The following SEMA6D variants were observed in gnomAD, a reference collection of about 807,000 sequenced individuals.
The protein encoded by SEMA6D is semaphorin-6D.
Under a neutral mutation model 106.6 loss-of-function variants are expected in SEMA6D, and 35 were observed. The ratio of observed to expected loss-of-function variants is 0.33; its 90% CI spans 0.25 to 0.44. SEMA6D has a LOEUF of 0.44. SEMA6D is among the 20% of genes least tolerant of loss of function. The pLI is 1.00. For synonymous variants in SEMA6D, 499 were observed against 487.7 expected (o/e 1.02, Z -0.31); for missense variants, 1,185 against 1,345.9 (o/e 0.88, Z 1.87).
intron 1 of SEMA6D, among the ~76,000 whole-genome samples, chr15:47,202,479 G>A (rs1170610872): frequency 6.6e-6 from 1 of 152,054 alleles, no homozygotes; most frequent in East Asian, 1.9e-4. Context: ...TAGACACACT[G>A]TACATGCTCA....
At chr15:47,224,541 A>G (rs1175944213) in intron 1 of SEMA6D, among the ~76,000 whole-genome samples, 2 of 152,118 alleles carry the variant, frequency 1.3e-5, no homozygotes, top group African/African-American at 4.8e-5. Context: ...ATGACGTTTT[A>G]TCTCAGATCT....
intron 1 of SEMA6D, among the ~76,000 whole-genome samples, chr15:47,195,650 T>C (rs1237239971): frequency 6.6e-6 from 1 of 152,166 alleles, no homozygotes; most frequent in African/African-American, 2.4e-5. Flanking sequence ...GAGACTTTCC[T>C]AATGTCCTTT....
chr15:47,536,000 A>G (rs920294297), intron 3 of SEMA6D, among the ~76,000 whole-genome samples: 7 of 152,200 alleles, frequency 4.6e-5, no homozygotes, highest in East Asian at 1.9e-4. Flanking sequence ...CAGGCCATCA[A>G]GAGCCTCAAA....
chr15:47,463,010 A>G (rs1433344124), intron 2 of SEMA6D, among the ~76,000 whole-genome samples: 1 of 152,140 alleles, frequency 6.6e-6, no homozygotes, highest in Admixed American at 6.5e-5. Context: ...GACCAATTCA[A>G]TGATGAACTT....
At chr15:47,246,350 G>T (rs550843388) in intron 1 of SEMA6D, among the ~76,000 whole-genome samples, 1 of 152,232 alleles carries the variant, frequency 6.6e-6, no homozygotes, top group African/African-American at 2.4e-5. Flanking sequence ...CAGCCAGTGG[G>T]AGCTAAAGCA....
intron 1 of SEMA6D, among the ~76,000 whole-genome samples, chr15:47,725,076 C>T (rs186644317): frequency 1.3e-5 from 2 of 152,184 alleles, no homozygotes; most frequent in East Asian, 1.9e-4. Flanking sequence ...ATAAAGAATA[C>T]GTCGCATATG....
At chr15:47,696,341 G>A (rs933591980) in intron 4 of SEMA6D, among the ~76,000 whole-genome samples, 8 of 152,124 alleles carry the variant, frequency 5.3e-5, no homozygotes, top group Non-Finnish European at 1.0e-4. Flanking sequence ...CCTGAGCAAT[G>A]GGGTTTCTTG....
intron 1 of SEMA6D, among the ~76,000 whole-genome samples, chr15:47,368,270 G>A (rs1033726386): frequency 3.4e-4 from 52 of 152,310 alleles, no homozygotes; most frequent in African/African-American, 1.1e-3. Flanking sequence ...TCCATCAGCC[G>A]GTGGTCAGAA....
intron 3 of SEMA6D, among the ~76,000 whole-genome samples, chr15:47,531,403 T>C (rs1232313422): frequency 2.6e-5 from 4 of 152,258 alleles, no homozygotes; most frequent in Admixed American, 6.5e-5. Context: ...TTTCATTACA[T>C]GGCCAAACAT....
intron 3 of SEMA6D, among the ~76,000 whole-genome samples, chr15:47,547,163 C>A (rs1344433961): frequency 1.3e-5 from 2 of 152,036 alleles, no homozygotes; most frequent in Non-Finnish European, 2.9e-5. Flanking sequence ...ACATCTTGAG[C>A]TATGTGGCTG....
In SEMA6D at chr15:47,771,167, T is replaced by C; in HGVS notation, c.2604T>C (p.Asp868=). ...HPLTKSSSKR[D]HRRSVDSRNT... is the part of the protein sequence containing the mutation. ...TCACAAAGTCATCCAGTAAGAGAGA[T>C]CACCGGCGTTCTGTTGATTCCAGAA... is the stretch of plus-strand genomic sequence containing the variant. The change falls in exon 19 of 19, where the codon GAT becomes GAC. Residue 868 remains aspartate, a synonymous_variant. Coordinates refer to ENST00000536845, the MANE Select transcript of SEMA6D (RefSeq NM_001358351.3). 1 of 1,614,070 alleles carries C rather than the reference T, an allele frequency of 6.2e-7. No homozygotes were observed. The highest frequency in any genetic ancestry group is 8.5e-7 in the Non-Finnish European group (1 of 1,180,002).
At chr15:47,757,765 A>T (rs1156914386) in intron 1 of SEMA6D, among the ~76,000 whole-genome samples, 1 of 152,162 alleles carries the variant, frequency 6.6e-6, no homozygotes, top group African/African-American at 2.4e-5. Flanking sequence ...ATATTTTAGG[A>T]TATCTTTTCC....
intron 2 of SEMA6D, among the ~76,000 whole-genome samples, chr15:47,420,656 G>A (rs753514357): frequency 6.6e-6 from 1 of 152,106 alleles, no homozygotes; most frequent in Non-Finnish European, 1.5e-5. Context: ...ATAAGTGACT[G>A]TTAACTTTTC....
rs2070578373 is a variant in SEMA6D at position 47,770,919 on chromosome 15, C to A, written c.2356C>A (p.Gln786Lys). The A allele has an allele frequency of 6.2e-7, 1 of 1,614,078 alleles. No homozygotes were observed. Among genetic ancestry groups the A allele is most frequent in the Non-Finnish European group, 8.5e-7 (1 of 1,179,996 alleles). Residue 786 changes from glutamine to lysine, a missense_variant, in exon 19 of 19, where the codon CAG becomes AAG. Gln to Lys is a moderately conservative substitution (Grantham distance 53, BLOSUM62 1). Around this residue, in one of 3 missense-constraint regions of SEMA6D, gnomAD observed 750 missense variants for 783.5 expected, o/e 0.96. Transcript: ENST00000536845. ...ACCCGTGCTTCACCAGAAGACCCTG[C>A]AGGCCATGAAGAGCCACTCAGAAAA... ...STPVLHQKTL[Q>K]AMKSHSEKAH... is the part of the protein sequence containing the mutation.
At chr15:47,317,722 G>A (rs888469781) in intron 1 of SEMA6D, among the ~76,000 whole-genome samples, 29 of 152,112 alleles carry the variant, frequency 1.9e-4, no homozygotes, top group Non-Finnish European at 5.9e-5. Flanking sequence ...AGTCAGATAT[G>A]ATTCTTATCT....
chr15:47,731,489 A>T (rs1391628240), intron 1 of SEMA6D, among the ~76,000 whole-genome samples: 2 of 152,210 alleles, frequency 1.3e-5, no homozygotes, highest in East Asian at 1.9e-4. Flanking sequence ...GTGTTCTATG[A>T]AAAAGGGAGA....
intron 4 of SEMA6D, among the ~76,000 whole-genome samples, chr15:47,619,224 C>G (rs1161927798): frequency 6.6e-6 from 1 of 152,220 alleles, no homozygotes; most frequent in Non-Finnish European, 1.5e-5. Flanking sequence ...CCTTTCCTCT[C>G]CTTTGGAGGG....
At chr15:47,398,098 C>A (rs139288163) in intron 1 of SEMA6D, among the ~76,000 whole-genome samples, 1 of 152,156 alleles carries the variant, frequency 6.6e-6, no homozygotes, top group Non-Finnish European at 1.5e-5. Flanking sequence ...ATCATTTAAT[C>A]CAAGCCATAG....
chr15:47,243,241 C>A (rs1326053946), intron 1 of SEMA6D, among the ~76,000 whole-genome samples: 3 of 152,094 alleles, frequency 2.0e-5, no homozygotes, highest in Non-Finnish European at 4.4e-5. Context: ...GGAAAGTTCA[C>A]TGTTGCGCAT....
Sources: allele counts gnomAD v4.1 joint callset (sites outside exome capture counted in the v4.1 genomes callset), GRCh38; gene constraint gnomAD v4.1.1; regional missense constraint gnomAD v4.1.1; transcripts MANE v1.5; gene names NCBI Gene and HGNC (gene_info 2026-07-23, HGNC 2026-07-21).